CTNND1: variants seen among roughly 807,000 people sequenced by gnomAD.
CTNND1 encodes the protein catenin delta 1, also known as catenin delta-1.
Under a neutral mutation model 112.1 loss-of-function variants are expected in CTNND1, and 16 were observed. The observed-to-expected ratio is 0.14, with a 90% CI of 0.10 to 0.22. The LOEUF is 0.22. Among genes scored for constraint, CTNND1 ranks in the 10% least tolerant of loss-of-function variants. The probability of loss-of-function intolerance (pLI) is 1.00; values close to 1 mark genes in which losing one functional copy is unlikely to be tolerated. For missense variants in CTNND1, 1,008 were observed against 1,257.0 expected, an observed-to-expected ratio of 0.80 and a Z score of 3.00; for synonymous variants, 420 against 446.5, an observed-to-expected ratio of 0.94 and a Z score of 0.75.
chr11:57,768,904 C>T (rs1209513146), intron 1 of CTNND1, among the ~76,000 whole-genome samples: 8 of 152,076 alleles, frequency 5.3e-5, no homozygotes, highest in African/African-American at 1.9e-4. Context: ...AATTTTCCTT[C>T]TCTTTTCCTC....
At chr11:57,807,707 C>G (rs1466682936) in intron 12 of CTNND1, among the ~76,000 whole-genome samples, 1 of 150,474 alleles carries the variant, frequency 6.6e-6, no homozygotes, top group Non-Finnish European at 1.5e-5. Context: ...CCAAAGTTCA[C>G]AGCTCTCCAT....
At chr11:57,785,445 T>C (rs1238986710) in intron 1 of CTNND1, among the ~76,000 whole-genome samples, 1 of 152,246 alleles carries the variant, frequency 6.6e-6, no homozygotes, top group African/African-American at 2.4e-5. Flanking sequence ...ACAAAGCCTA[T>C]ACACTTAACC....
Position 57,790,842 on chromosome 11 carries a change from G to A in CTNND1, c.-94-543G>A, listed in dbSNP as rs187571911. On this transcript the variant is annotated intron_variant, in intron 2 of 20. Coordinates refer to ENST00000399050, the MANE Select transcript of CTNND1 (RefSeq NM_001085458.2). ...CAAAGTGCTGGGATTACAGGTGTAA[G>A]CCACAGTGCCCGGCCTTTTCATTTC... is the stretch of plus-strand genomic sequence containing the variant. Among the ~76,000 whole-genome samples the A allele has an allele frequency of 2.0e-3, 310 of 152,272 alleles. 2 individuals carry two copies. Among genetic ancestry groups the A allele is most frequent in the African/African-American group, 7.0e-3 (289 of 41,558 alleles).
chr11:57,812,712 C>T (rs2063510034), intron 17 of CTNND1, among the ~76,000 whole-genome samples: 1 of 152,038 alleles, frequency 6.6e-6, no homozygotes, highest in Non-Finnish European at 1.5e-5. Context: ...GATGGGGTCT[C>T]CCTATGTTAC....
intron 1 of CTNND1, among the ~76,000 whole-genome samples, chr11:57,777,890 G>T (rs1324028922): frequency 6.6e-6 from 1 of 152,096 alleles, no homozygotes; most frequent in Non-Finnish European, 1.5e-5. Flanking sequence ...TTGCATTTTT[G>T]CTTCTGTGAT....
intron 1 of CTNND1, among the ~76,000 whole-genome samples, chr11:57,769,561 C>T (rs1450640520): frequency 6.6e-6 from 1 of 152,076 alleles, no homozygotes; most frequent in Non-Finnish European, 1.5e-5. Context: ...TTTTCTTTTG[C>T]TTTCCTGTTC....
chr11:57,773,092 G>A (rs1234086120), intron 1 of CTNND1, among the ~76,000 whole-genome samples: 2 of 151,266 alleles, frequency 1.3e-5, no homozygotes, highest in African/African-American at 2.4e-5. Context: ...CCAAAATTTT[G>A]AAATTGTTTT....
rs1231920527 is a variant in CTNND1 at position 57,819,041 on chromosome 11, A to C, written c.*2733A>C. 6.6e-6 allele frequency: 1 copy of C among 152,214 alleles called. No homozygotes were observed. Among genetic ancestry groups the C allele is most frequent in the East Asian group, 1.9e-4 (1 of 5,196 alleles). The allele number at this position is 152,214 out of a possible 1,614,324, so 9.4% of individuals were successfully genotyped here. ...AGGGACTATCTTTGCTGCAGAGATC[A>C]AGGGTTAAGATCTATGGGAAGATAC... On this transcript the variant is annotated 3_prime_UTR_variant, in exon 21 of 21. Transcript: ENST00000399050.
chr11:57,806,358 G>T, intron 10 of CTNND1, 103 bp from the exon 11 acceptor site: 1 of 1,103,480 alleles, frequency 9.1e-7, no homozygotes, highest in East Asian at 2.5e-5. Context: ...TCTTCTCTGT[G>T]CTTCCCTGCT....
At chr11:57,773,839 G>C (rs1348106530) in intron 1 of CTNND1, among the ~76,000 whole-genome samples, 1 of 151,988 alleles carries the variant, frequency 6.6e-6, no homozygotes, top group East Asian at 1.9e-4. Flanking sequence ...ATACTCAGGA[G>C]GCCGAGGCAG....
intron 1 of CTNND1, among the ~76,000 whole-genome samples, chr11:57,783,660 AAAT>A (rs1270906055): frequency 1.3e-5 from 2 of 151,808 alleles, no homozygotes; most frequent in Non-Finnish European, 1.5e-5. Context: ...CTCCATCTCA[AAAT>A]AAAAAAAAAG....
Position 57,796,462 on chromosome 11 carries a change from G to T in CTNND1, c.426G>T (p.Lys142Asn), listed in dbSNP as rs2061378831. 3.2e-6 allele frequency: 5 copies of T among 1,582,654 alleles called. 1 individual carries two copies. The highest frequency in any genetic ancestry group is 3.4e-4 in the Middle Eastern group (2 of 5,928). Residue 142 changes from lysine to asparagine, a missense_variant, in exon 6 of 21, where the codon AAG becomes AAT. Physicochemically the swap from Lys to Asn is moderately conservative, Grantham distance 94 (BLOSUM62 0). Coordinates refer to ENST00000399050, the MANE Select transcript of CTNND1 (RefSeq NM_001085458.2). ...TTCTTGTTTCCTACTTGCAGGTCAAGAAAGTAGTGAAGACTGTGACAACAC... is the reference window on the plus strand; with the variant it reads ...TTCTTGTTTCCTACTTGCAGGTCAATAAAGTAGTGAAGACTGTGACAACAC... ...GTTRRTETTV[K>N]KVVKTVTTRT... is the part of the protein sequence containing the mutation.
chr11:57,794,290 T>C (rs746166291), intron 4 of CTNND1, among the ~76,000 whole-genome samples: 1 of 152,192 alleles, frequency 6.6e-6, no homozygotes, highest in African/African-American at 2.4e-5. Flanking sequence ...TTGATCTTTA[T>C]GACTATTCCT....
rs1232031631 is a variant in CTNND1, at chr11:57,815,968, T to A, written c.2862T>A (p.Asp954Glu). 5 of 1,600,232 alleles carry A rather than the reference T, an allele frequency of 3.1e-6. No individual in the cohort carries two copies. The highest frequency in any genetic ancestry group is 4.2e-6 in the Non-Finnish European group (5 of 1,176,544). The change falls in exon 20 of 21, where the codon GAT becomes GAA. Residue 954 changes from aspartate (D) to glutamate (E), a missense_variant. Around this residue, in one of 5 missense-constraint regions of CTNND1, gnomAD observed 106 missense variants for 116.2 expected, o/e 0.91. Coordinates refer to ENST00000399050, the MANE Select transcript of CTNND1 (RefSeq NM_001085458.2). ...LEEELDVLVL[D>E]DEGGQVSYPS... is the part of the protein sequence containing the mutation. ...AAGAGTTGGATGTGTTGGTTTTGGA[T>A]GATGAGGGGGGCCAAGTGTCTTACC...
intron 9 of CTNND1, 56 bp from the exon 10 acceptor site, chr11:57,805,825 TG>T: frequency 6.4e-7 from 1 of 1,570,924 alleles, no homozygotes; most frequent in Non-Finnish European, 8.7e-7. Context: ...AACCTGTACT[TG>T]TGGAGAAATC....
chr11:57,778,495 C>G (rs1166819675), intron 1 of CTNND1, among the ~76,000 whole-genome samples: 5 of 151,502 alleles, frequency 3.3e-5, no homozygotes, highest in African/African-American at 7.3e-5. Context: ...CTTAAAAATT[C>G]CCTCACCCCC....
At chr11:57,793,932 T>TG in intron 3 of CTNND1, 78 bp from the exon 4 acceptor site, 1 of 1,458,528 alleles carries the variant, frequency 6.9e-7, no homozygotes, top group South Asian at 1.1e-5. Context: ...TTTTCCTGTT[T>TG]GAAAAAAAGA....
At chr11:57,798,932 G>C (rs906019829) in intron 6 of CTNND1, among the ~76,000 whole-genome samples, 2 of 152,220 alleles carry the variant, frequency 1.3e-5, no homozygotes, top group African/African-American at 4.8e-5. Context: ...TCCAGGTAAA[G>C]AGAAATGATA....
At position 57,788,498 on chromosome 11, in the gene CTNND1, A is replaced by G. The variant is rs544161728; in HGVS notation, c.-213-539A>G. 5.1e-4 allele frequency among the ~76,000 whole-genome samples: 77 copies of G among 152,278 alleles called. 2 individuals carry two copies. Among genetic ancestry groups the G allele is most frequent in the Non-Finnish European group, 1.6e-4 (11 of 68,026 alleles). On this transcript the variant is annotated intron_variant, in intron 1 of 20. Coordinates refer to ENST00000399050, the MANE Select transcript of CTNND1 (RefSeq NM_001085458.2). The surrounding 1 kb of genome is among the most constrained non-coding windows in gnomAD (Gnocchi z 4.1). ...TGACTTCTGCATACACTCTAAGCCA[A>G]ACAGGCCCGGGCATTTGTGCTTGGT...
Sources: gnomAD v4.1 joint callset for allele counts (sites outside exome capture counted in the v4.1 genomes callset) on GRCh38, gnomAD v4.1.1 for gene constraint, gnomAD v4.1.1 regional missense constraint, Gnocchi (gnomAD v3.1) non-coding constraint, MANE v1.5 for transcripts, NCBI Gene and HGNC (gene_info 2026-07-23, HGNC 2026-07-21) for gene names.